Variants in DACH1 observed in about 807,000 individuals in gnomAD.
DACH1 encodes dachshund homolog 1.
A neutral mutation model predicts 54.2 loss-of-function variants in DACH1; 12 were observed. That is an observed-to-expected ratio of 0.22 (90% CI 0.14 to 0.36). DACH1 has a LOEUF of 0.36. DACH1 is among the 10% of genes least tolerant of loss of function. DACH1 has a pLI of 1.00. For missense variants in DACH1, 805 were observed against 929.8 expected (o/e 0.87, Z 1.75); for synonymous variants, 386 against 366.2 (o/e 1.05, Z -0.62).
intron 2 of DACH1, among the ~76,000 whole-genome samples, chr13:71,645,525 A>G (rs1878205122): frequency 6.6e-6 from 1 of 152,212 alleles, no homozygotes; most frequent in African/African-American, 2.4e-5. Flanking sequence ...AGGTATCTCA[A>G]GTCTAATTCT....
At chr13:71,619,871 C>A (rs1374607163) in intron 3 of DACH1, among the ~76,000 whole-genome samples, 1 of 151,768 alleles carries the variant, frequency 6.6e-6, no homozygotes, top group Non-Finnish European at 1.5e-5. Flanking sequence ...ATAATATTTA[C>A]ACTCATTTTG....
intron 1 of DACH1, among the ~76,000 whole-genome samples, chr13:71,791,109 A>T (rs955839451): frequency 6.6e-6 from 1 of 152,242 alleles, no homozygotes; most frequent in African/African-American, 2.4e-5. Context: ...GTATTAATGT[A>T]CAATGGGCCA....
At chr13:71,743,308 A>C (rs1405670990) in intron 1 of DACH1, among the ~76,000 whole-genome samples, 2 of 152,172 alleles carry the variant, frequency 1.3e-5, no homozygotes, top group African/African-American at 2.4e-5. Context: ...CCATGGCAGA[A>C]GACCCCAATA....
At chr13:71,468,482 C>T (rs764858368) in intron 10 of DACH1, among the ~76,000 whole-genome samples, 3 of 151,960 alleles carry the variant, frequency 2.0e-5, no homozygotes, top group Non-Finnish European at 4.4e-5. Context: ...ATTCCCACAC[C>T]GATCTTAAAA....
At chr13:71,799,792 A>G (rs1044280783) in intron 1 of DACH1, among the ~76,000 whole-genome samples, 14 of 152,120 alleles carry the variant, frequency 9.2e-5, no homozygotes, top group African/African-American at 3.4e-4. Flanking sequence ...AGCCAAAAGG[A>G]AAAAATATGG....
chr13:71,764,453 TTTAA>T (rs1478798653), intron 1 of DACH1, among the ~76,000 whole-genome samples: 9 of 152,188 alleles, frequency 5.9e-5, no homozygotes, highest in African/African-American at 2.2e-4. Context: ...TTATAATACA[TTTAA>T]TTATATAAAA....
At chr13:71,743,525 A>C (rs915074769) in intron 1 of DACH1, among the ~76,000 whole-genome samples, 3 of 152,212 alleles carry the variant, frequency 2.0e-5, no homozygotes, top group Non-Finnish European at 4.4e-5. Flanking sequence ...ATCCTTCCTC[A>C]GAGATAAGAA....
intron 6 of DACH1, among the ~76,000 whole-genome samples, chr13:71,491,005 A>T (rs73518998): frequency 0.014 from 2,178 of 152,304 alleles, 58 homozygotes; most frequent in African/African-American, 0.05. Flanking sequence ...CAAGAAAATA[A>T]AGAATCATAT....
intron 1 of DACH1, among the ~76,000 whole-genome samples, chr13:71,820,930 C>T (rs1461086666): frequency 6.6e-6 from 1 of 152,074 alleles, no homozygotes; most frequent in Non-Finnish European, 1.5e-5. Flanking sequence ...ATATCTCAAA[C>T]AAAAACAAAA....
chr13:71,518,647 T>A (rs1299268345), intron 6 of DACH1, among the ~76,000 whole-genome samples: 1 of 151,924 alleles, frequency 6.6e-6, no homozygotes, highest in Non-Finnish European at 1.5e-5. Flanking sequence ...TCCATGTGTG[T>A]TCAAGCTTTT....
chr13:71,501,032 G>A (rs978805985), intron 6 of DACH1, among the ~76,000 whole-genome samples: 1 of 152,090 alleles, frequency 6.6e-6, no homozygotes, highest in African/African-American at 2.4e-5. Flanking sequence ...GTCAATCAAA[G>A]AGTCTCTAAA....
intron 3 of DACH1, among the ~76,000 whole-genome samples, chr13:71,596,826 G>A (rs966944128): frequency 1.3e-5 from 2 of 152,116 alleles, no homozygotes; most frequent in Non-Finnish European, 2.9e-5. Context: ...ATTTATAGAA[G>A]CATAAATCCT....
intron 1 of DACH1, among the ~76,000 whole-genome samples, chr13:71,777,443 T>C (rs1886110630): frequency 6.6e-6 from 1 of 152,144 alleles, no homozygotes; most frequent in Non-Finnish European, 1.5e-5. Flanking sequence ...TTATGGTACA[T>C]CGTTGATGCT....
intron 7 of DACH1, among the ~76,000 whole-genome samples, chr13:71,482,254 G>A (rs1451886169): frequency 6.6e-6 from 1 of 151,542 alleles, no homozygotes; most frequent in African/African-American, 2.4e-5. Context: ...AAAGGGTACT[G>A]TATCTAGCAA....
intron 1 of DACH1, among the ~76,000 whole-genome samples, chr13:71,717,406 T>C (rs1365481379): frequency 6.6e-6 from 1 of 152,032 alleles, no homozygotes; most frequent in Non-Finnish European, 1.5e-5. Context: ...TGGTTTATTT[T>C]ACATTTCTTT....
rs2138091488 is a variant in DACH1 at position 71,440,469 on chromosome 13, A to G, written c.*186T>C. On this transcript the variant is annotated 3_prime_UTR_variant, in exon 11 of 11. Coordinates refer to ENST00000613252, the MANE Select transcript of DACH1 (RefSeq NM_080759.6). Reference sequence around the variant, plus strand: ...CATTCTCAGGTCTCTGGTATGAACCACAGGTGAAAATCAATGGAGAAAACT... The same window carrying G: ...CATTCTCAGGTCTCTGGTATGAACCGCAGGTGAAAATCAATGGAGAAAACT... 1 of 528,274 alleles carries G rather than the reference A, an allele frequency of 1.9e-6. No individual in the cohort carries two copies. Among genetic ancestry groups the G allele is most frequent in the Non-Finnish European group, 3.3e-6 (1 of 302,108 alleles). The allele number at this position is 528,274 out of a possible 1,614,324, so 32.7% of individuals were successfully genotyped here. A position where few individuals can be genotyped will look rare whatever the true frequency, so the allele number is the denominator to read the frequency against.
intron 6 of DACH1, among the ~76,000 whole-genome samples, chr13:71,546,878 T>C (rs913244441): frequency 1.3e-5 from 2 of 152,112 alleles, no homozygotes; most frequent in African/African-American, 4.8e-5. Context: ...ATATCATTAA[T>C]TTCATTCCTT....
At chr13:71,670,180 C>G (rs1880124775) in intron 2 of DACH1, among the ~76,000 whole-genome samples, 1 of 152,096 alleles carries the variant, frequency 6.6e-6, no homozygotes, top group Non-Finnish European at 1.5e-5. Context: ...AAAAGCTCTC[C>G]CATTAATTAT....
chr13:71,853,609 T>C (rs1036806909), intron 1 of DACH1, among the ~76,000 whole-genome samples: 3 of 152,178 alleles, frequency 2.0e-5, no homozygotes, highest in Non-Finnish European at 4.4e-5. Context: ...ATATACTTAG[T>C]GGAGCTCTAA....
Sources: allele counts gnomAD v4.1 joint callset (sites outside exome capture counted in the v4.1 genomes callset), GRCh38; gene constraint gnomAD v4.1.1; transcripts MANE v1.5; gene names NCBI Gene and HGNC (gene_info 2026-07-23, HGNC 2026-07-21).